Variants in HIVEP3 observed in about 807,000 individuals in gnomAD.
HIVEP3 encodes HIVEP zinc finger 3, also known as transcription factor HIVEP3.
In HIVEP3, 49 loss-of-function variants were observed where a neutral mutation model predicts 152.8. That is an observed-to-expected ratio of 0.32 (90% CI 0.26 to 0.41). The LOEUF (loss-of-function observed/expected upper bound fraction) is 0.41, where lower values mean the gene tolerates loss of function less well. Ranked by LOEUF, HIVEP3 falls within the 10% of genes least tolerant of loss-of-function variation. HIVEP3 has a pLI of 1.00. For missense variants in HIVEP3, 2,790 were observed against 3,103.3 expected, an observed-to-expected ratio of 0.90 and a Z score of 2.40; for synonymous variants, 1,269 against 1,289.0, an observed-to-expected ratio of 0.98 and a Z score of 0.33.
At chr1:41,858,883 T>C (rs539703109) in intron 1 of HIVEP3, among the ~76,000 whole-genome samples, 3 of 152,176 alleles carry the variant, frequency 2.0e-5, no homozygotes, top group African/African-American at 7.2e-5. Flanking sequence ...GCAGACAGAA[T>C]GTCAAGTGCA....
Position 41,991,069 on chromosome 1 carries a change from C to A in HIVEP3, n.119+44738G>T, listed in dbSNP as rs879920308. ...AAGCAGGAAAGATCCAAAATTGACACCCTAACATCACAATTAAAAGAACTA... is the reference window on the plus strand; with the variant it reads ...AAGCAGGAAAGATCCAAAATTGACAACCTAACATCACAATTAAAAGAACTA... On this transcript the variant is annotated intron_variant and non_coding_transcript_variant, in intron 1 of 3. Coordinates refer to the HIVEP3 transcript ENST00000489103. Among the ~76,000 whole-genome samples the A allele has an allele frequency of 8.5e-4, 125 of 146,336 alleles. 2 individuals are homozygous for A. Among genetic ancestry groups the A allele is most frequent in the Admixed American group, 7.2e-3 (106 of 14,646 alleles).
At chr1:41,864,396 T>C (rs1301337318) in intron 1 of HIVEP3, among the ~76,000 whole-genome samples, 2 of 152,192 alleles carry the variant, frequency 1.3e-5, no homozygotes, top group East Asian at 3.9e-4. Context: ...TTCTCACCAT[T>C]TCTAAAGCCC....
intron 1 of HIVEP3, among the ~76,000 whole-genome samples, chr1:41,806,120 GC>G (rs1650593866): frequency 6.6e-6 from 1 of 152,010 alleles, no homozygotes; most frequent in African/African-American, 2.4e-5. Flanking sequence ...CCTGCCCTCT[GC>G]CTTCCTTCCT....
At chr1:41,557,815 A>C (rs1226810861) in intron 5 of HIVEP3, among the ~76,000 whole-genome samples, 1 of 152,192 alleles carries the variant, frequency 6.6e-6, no homozygotes, top group Non-Finnish European at 1.5e-5. Flanking sequence ...TCTTGTTTCA[A>C]CGGTGACCCC....
chr1:41,544,570 C>T (rs1643614687), intron 5 of HIVEP3, among the ~76,000 whole-genome samples: 2 of 151,572 alleles, frequency 1.3e-5, no homozygotes, highest in Non-Finnish European at 2.9e-5. Flanking sequence ...TGAAGCACCA[C>T]GACCACCTCT....
chr1:41,770,517 G>A (rs1469626333), intron 1 of HIVEP3, among the ~76,000 whole-genome samples: 1 of 152,150 alleles, frequency 6.6e-6, no homozygotes. Flanking sequence ...CCTTAGCCAA[G>A]TGATTAACAT....
chr1:41,878,709 C>CT (rs1271612195), intron 1 of HIVEP3, among the ~76,000 whole-genome samples: 2 of 143,870 alleles, frequency 1.4e-5, no homozygotes, highest in Non-Finnish European at 3.1e-5. Context: ...CCCTCTCTTT[C>CT]TAACTCCCTC....
At chr1:41,827,918 C>A (rs1156647359) in intron 1 of HIVEP3, among the ~76,000 whole-genome samples, 1 of 151,842 alleles carries the variant, frequency 6.6e-6, no homozygotes, top group Non-Finnish European at 1.5e-5. Context: ...CCCAGAGGGA[C>A]AGGAGGCAGG....
intron 2 of HIVEP3, among the ~76,000 whole-genome samples, chr1:41,652,075 G>A (rs1206005329): frequency 6.6e-6 from 1 of 152,212 alleles, no homozygotes; most frequent in Non-Finnish European, 1.5e-5. Flanking sequence ...GCCCCGAGAG[G>A]TGGTCACAGC....
At chr1:41,999,517 C>G (rs527773479) in intron 1 of HIVEP3, among the ~76,000 whole-genome samples, 11 of 152,230 alleles carry the variant, frequency 7.2e-5, no homozygotes, top group African/African-American at 2.6e-4. Context: ...CCATTAGAAT[C>G]TCAAAGCCAG....
intron 1 of HIVEP3, among the ~76,000 whole-genome samples, chr1:41,899,136 T>C (rs993083219): frequency 2.4e-4 from 36 of 152,246 alleles, no homozygotes; most frequent in African/African-American, 8.7e-4. Context: ...AAGCTCCTTT[T>C]TAACAAGATG....
intron 5 of HIVEP3, among the ~76,000 whole-genome samples, chr1:41,546,954 C>G (rs944939518): frequency 6.6e-6 from 1 of 152,192 alleles, no homozygotes; most frequent in African/African-American, 2.4e-5. Context: ...AGAAAGAGAA[C>G]AGCACTTGCT....
intron 1 of HIVEP3, among the ~76,000 whole-genome samples, chr1:41,878,258 A>G (rs1364088669): frequency 1.3e-5 from 2 of 152,198 alleles, no homozygotes; most frequent in Non-Finnish European, 2.9e-5. Context: ...CAGAGCAAGC[A>G]ATTTGCGAAA....
intron 1 of HIVEP3, among the ~76,000 whole-genome samples, chr1:41,752,124 T>G (rs779257488): frequency 3.3e-5 from 5 of 152,222 alleles, no homozygotes; most frequent in Admixed American, 1.3e-4. Flanking sequence ...TCCACTGGAC[T>G]GCCTTTCTGT....
At chr1:41,841,718 G>A (rs561589817) in intron 1 of HIVEP3, among the ~76,000 whole-genome samples, 2 of 152,336 alleles carry the variant, frequency 1.3e-5, no homozygotes, top group African/African-American at 4.8e-5. Flanking sequence ...GTAAGTGATG[G>A]CTCCAGAGGG....
intron 1 of HIVEP3, among the ~76,000 whole-genome samples, chr1:41,980,021 G>C (rs752077153): frequency 2.0e-5 from 3 of 152,184 alleles, no homozygotes; most frequent in Non-Finnish European, 2.9e-5. Context: ...GCAAGGCAGG[G>C]CTTTGTGTCT....
chr1:41,713,074 C>T (rs1420044355), intron 1 of HIVEP3, among the ~76,000 whole-genome samples: 1 of 152,204 alleles, frequency 6.6e-6, no homozygotes, highest in Admixed American at 6.5e-5. Flanking sequence ...GATGCTGGGC[C>T]ATTCTCACAG....
At chr1:41,762,428 T>C (rs1179870771) in intron 1 of HIVEP3, among the ~76,000 whole-genome samples, 1 of 152,128 alleles carries the variant, frequency 6.6e-6, no homozygotes, top group African/African-American at 2.4e-5. Flanking sequence ...CAGGAAGCAG[T>C]GTCAGGGTCA....
chr1:41,542,406 C>G (rs2991352), intron 5 of HIVEP3: 86,760 of 153,968 alleles, frequency 0.56, 24,839 homozygotes, highest in Middle Eastern at 0.65. Flanking sequence ...AGGACCCCCC[C>G]GCTGGAGGAT....
Sources: gnomAD v4.1 joint callset for allele counts (sites outside exome capture counted in the v4.1 genomes callset) on GRCh38, gnomAD v4.1.1 for gene constraint, MANE v1.5 for transcripts, NCBI Gene and HGNC (gene_info 2026-07-23, HGNC 2026-07-21) for gene names.